Variants in ARHGAP26 observed in about 807,000 individuals in gnomAD.
ARHGAP26 encodes the protein rho GTPase-activating protein 26.
A neutral mutation model predicts 104.8 loss-of-function variants in ARHGAP26; 38 were observed. The ratio of observed to expected loss-of-function variants is 0.36; its 90% CI spans 0.28 to 0.48. The LOEUF is 0.48. ARHGAP26 is among the 20% of genes least tolerant of loss of function. ARHGAP26 has a pLI of 0.99. For missense variants in ARHGAP26, 704 were observed against 947.9 expected (o/e 0.74, Z 3.38); for synonymous variants, 341 against 340.0 (o/e 1.00, Z -0.03).
intron 1 of ARHGAP26, among the ~76,000 whole-genome samples, chr5:142,834,623 C>A (rs1769183742): frequency 6.6e-6 from 1 of 152,200 alleles, no homozygotes; most frequent in South Asian, 2.1e-4. Context: ...GGCCCCTCCC[C>A]ATGTAGTCTT....
At chr5:142,882,317 G>A (rs897259807) in intron 4 of ARHGAP26, among the ~76,000 whole-genome samples, 1 of 152,138 alleles carries the variant, frequency 6.6e-6, no homozygotes, top group African/African-American at 2.4e-5. Flanking sequence ...TGCTTAAAAC[G>A]GTGTCTGTCG....
In ARHGAP26 at chr5:142,786,147, ATT is replaced by A. The variant is rs35617606; in HGVS notation, c.154+15246_154+15247del. Among the ~76,000 whole-genome samples, 746 of 138,736 alleles carry A rather than the reference ATT, an allele frequency of 5.4e-3. 9 individuals carry two copies. Among genetic ancestry groups the A allele is most frequent in the African/African-American group, 0.018 (691 of 37,838 alleles). 91.0% of individuals were successfully genotyped at this position (138,736 alleles called of 152,430 possible). A position where few individuals can be genotyped will look rare whatever the true frequency, so the allele number is the denominator to read the frequency against. On this transcript the variant is annotated intron_variant, in intron 1 of 22. Transcript: ENST00000645722. ...CACTATGCCTGGCTAATTAAAAAAC[ATT>A]TTTTTTTTTTTTTGTAGCGATGGGG...
At chr5:142,932,423 C>G (rs1459208477) in intron 11 of ARHGAP26, among the ~76,000 whole-genome samples, 2 of 152,210 alleles carry the variant, frequency 1.3e-5, no homozygotes, top group Non-Finnish European at 2.9e-5. Flanking sequence ...CTTACCTCCC[C>G]TTATAAGCAG....
chr5:143,191,072 T>C (rs1214384419), intron 20 of ARHGAP26, among the ~76,000 whole-genome samples: 3 of 152,194 alleles, frequency 2.0e-5, no homozygotes, highest in African/African-American at 4.8e-5. Flanking sequence ...AAGGACCTTT[T>C]TGGGGTGATG....
intron 1 of ARHGAP26, among the ~76,000 whole-genome samples, chr5:142,847,565 C>G (rs901486877): frequency 3.9e-5 from 6 of 152,192 alleles, no homozygotes; most frequent in Non-Finnish European, 7.3e-5. Context: ...CCATGTTGGT[C>G]AGGCTGGTCT....
At chr5:143,162,860 A>C (rs1801435950) in intron 20 of ARHGAP26, among the ~76,000 whole-genome samples, 1 of 152,170 alleles carries the variant, frequency 6.6e-6, no homozygotes, top group Non-Finnish European at 1.5e-5. Context: ...ATTCCAGGGT[A>C]CAGTGGCCCA....
At chr5:143,129,796 T>C (rs1301404733) in intron 18 of ARHGAP26, among the ~76,000 whole-genome samples, 1 of 152,230 alleles carries the variant, frequency 6.6e-6, no homozygotes, top group Non-Finnish European at 1.5e-5. Context: ...TCATGCCTAC[T>C]CTTTGCCACA....
chr5:143,183,383 G>A (rs954764334), intron 20 of ARHGAP26, among the ~76,000 whole-genome samples: 5 of 152,166 alleles, frequency 3.3e-5, no homozygotes, highest in African/African-American at 1.2e-4. Context: ...GATAATGAGA[G>A]CCGTGTGCTC....
At position 142,914,588 on chromosome 5, in the gene ARHGAP26, T is replaced by C. The variant is rs140986575; in HGVS notation, c.1028+1295T>C. 7.1e-4 allele frequency among the ~76,000 whole-genome samples: 108 copies of C among 152,344 alleles called. 1 individual carries two copies. Among genetic ancestry groups the C allele is most frequent in the African/African-American group, 2.6e-3 (108 of 41,570 alleles). The stretch of plus-strand genomic sequence containing the variant: ...GTTACTCTTTTTTGCTAATAGCTTA[T>C]CCTGCGTGCTCCTCAGACTTGGTAT... On this transcript the variant is annotated intron_variant, in intron 10 of 22. Transcript: ENST00000645722.
At chr5:143,146,106 A>G (rs556604576) in intron 19 of ARHGAP26, among the ~76,000 whole-genome samples, 55 of 152,324 alleles carry the variant, frequency 3.6e-4, no homozygotes, top group African/African-American at 1.2e-3. Context: ...TATGATGTTT[A>G]AGTGAATTAA....
Position 143,039,502 on chromosome 5 carries a change from C to T in ARHGAP26, c.1210+2241C>T, listed in dbSNP as rs116286517. Among the ~76,000 whole-genome samples, 1,178 of 151,512 alleles carry T rather than the reference C, an allele frequency of 7.8e-3. 6 individuals are homozygous for T. The highest frequency in any genetic ancestry group is 0.012 in the Non-Finnish European group (810 of 67,880). On this transcript the variant is annotated intron_variant, in intron 13 of 22. Coordinates refer to ENST00000645722, the MANE Select transcript of ARHGAP26 (RefSeq NM_001135608.3). Reference sequence around the variant, plus strand: ...GATTACAGGCATGAGCCACTGTGCACGGTCTAACTTTCAACAGGAGTTTTA... The same window carrying T: ...GATTACAGGCATGAGCCACTGTGCATGGTCTAACTTTCAACAGGAGTTTTA...
rs193086399 is a variant in ARHGAP26, at chr5:143,112,276, G to A, written c.1539-8712G>A. Among the ~76,000 whole-genome samples, 1,015 of 152,232 alleles carry A rather than the reference G, an allele frequency of 6.7e-3. 12 individuals carry two copies. The highest frequency in any genetic ancestry group is 0.023 in the African/African-American group (956 of 41,526). On this transcript the variant is annotated intron_variant, in intron 17 of 22. Coordinates refer to ENST00000645722, the MANE Select transcript of ARHGAP26 (RefSeq NM_001135608.3). Reference sequence around the variant, plus strand: ...CAAGGAGGACAGAGCCAAGTCAAGAGGGAGAGGGGCTACAGAGTGGCCCAG... The same window carrying A: ...CAAGGAGGACAGAGCCAAGTCAAGAAGGAGAGGGGCTACAGAGTGGCCCAG...
At chr5:142,946,199 A>G (rs1767072831) in intron 11 of ARHGAP26, among the ~76,000 whole-genome samples, 1 of 152,204 alleles carries the variant, frequency 6.6e-6, no homozygotes, top group African/African-American at 2.4e-5. Flanking sequence ...TCCTTGTAAT[A>G]CATCTATTGC....
chr5:143,206,386 C>A (rs958657917), intron 20 of ARHGAP26, among the ~76,000 whole-genome samples: 2 of 152,222 alleles, frequency 1.3e-5, no homozygotes, highest in Admixed American at 1.3e-4. Context: ...CAATTAAAAT[C>A]CACAAGCCAC....
chr5:143,192,269 A>G (rs1216365325), intron 20 of ARHGAP26, among the ~76,000 whole-genome samples: 1 of 152,218 alleles, frequency 6.6e-6, no homozygotes, highest in East Asian at 1.9e-4. Context: ...CGCATTTGAA[A>G]TGGGCTTTGA....
intron 20 of ARHGAP26, chr5:143,166,030 C>T (rs1210843259): frequency 7.6e-7 from 1 of 1,321,262 alleles, no homozygotes; most frequent in African/African-American, 1.5e-5. Context: ...TTAACAGGCA[C>T]TGGGGATTTG....
chr5:142,937,250 C>A (rs1765558672), intron 11 of ARHGAP26, among the ~76,000 whole-genome samples: 1 of 152,052 alleles, frequency 6.6e-6, no homozygotes, highest in South Asian at 2.1e-4. Context: ...GGGCAAAAGA[C>A]ACAAGGAGAC....
At chr5:142,929,490 T>C (rs1764407436) in intron 10 of ARHGAP26, among the ~76,000 whole-genome samples, 1 of 152,222 alleles carries the variant, frequency 6.6e-6, no homozygotes, top group South Asian at 2.1e-4. Context: ...ATTGTTTTAC[T>C]CCAGAATAAA....
rs2151444464 is a variant in ARHGAP26 at position 143,226,803 on chromosome 5, G to C, written c.*4357G>C. ...CTTTTCGGTGAGAGGCAAAGAGAAA[G>C]AATGAACAATCAAGTATTGACAGAC... On this transcript the variant is annotated 3_prime_UTR_variant, in exon 23 of 23. Coordinates refer to ENST00000645722, the MANE Select transcript of ARHGAP26 (RefSeq NM_001135608.3). 1 of 223,024 alleles carries C rather than the reference G, an allele frequency of 4.5e-6. No homozygotes were observed. 13.8% of individuals were successfully genotyped at this position (223,024 alleles called of 1,614,324 possible).
Sources: allele counts gnomAD v4.1 joint callset (sites outside exome capture counted in the v4.1 genomes callset), GRCh38; gene constraint gnomAD v4.1.1; transcripts MANE v1.5; gene names NCBI Gene and HGNC (gene_info 2026-07-23, HGNC 2026-07-21).